The following UBE2W variants were observed in gnomAD, a reference collection of about 807,000 sequenced individuals.
UBE2W encodes the protein ubiquitin conjugating enzyme E2 W.
Under a neutral mutation model 27.2 loss-of-function variants are expected in UBE2W, and 18 were observed. The observed-to-expected ratio is 0.66, with a 90% CI of 0.46 to 0.98. UBE2W has a LOEUF of 0.98. Ranked by LOEUF, UBE2W falls within the 50% of genes least tolerant of loss-of-function variation. UBE2W has a pLI of 0.00. For synonymous variants in UBE2W, 53 were observed against 57.2 expected (o/e 0.93, Z 0.33); for missense variants, 90 against 180.2 (o/e 0.50, Z 2.87).
intron 5 of UBE2W, among the ~76,000 whole-genome samples, chr8:73,802,609 G>C (rs1808692501): frequency 6.6e-6 from 1 of 152,196 alleles, no homozygotes; most frequent in African/African-American, 2.4e-5. Context: ...TTAAAAATAG[G>C]CCAGGCGCAG....
At position 73,805,472 on chromosome 8, in the gene UBE2W, C is replaced by CAAAACAAAAAAA. The variant is rs1554579998; in HGVS notation, c.442+178_442+179insTTTTTTTGTTTT. ...TCCATCTCAAAAAAAAAAAAAAAAA[C>CAAAACAAAAAAA]AAAAAAAACTAGGGTAATTCATCCA... On this transcript the variant is annotated intron_variant, in intron 5 of 5. Transcript: ENST00000602593. 3.7e-4 allele frequency among the ~76,000 whole-genome samples: 16 copies of CAAAACAAAAAAA among 43,692 alleles called. 1 individual carries two copies. The highest frequency in any genetic ancestry group is 7.0e-4 in the Non-Finnish European group (14 of 20,120). 28.7% of individuals were successfully genotyped at this position (43,692 alleles called of 152,430 possible). A position where few individuals can be genotyped will look rare whatever the true frequency, so the allele number is the denominator to read the frequency against.
intron 2 of UBE2W, among the ~76,000 whole-genome samples, chr8:73,827,225 T>C (rs1809878932): frequency 6.6e-6 from 1 of 152,150 alleles, no homozygotes; most frequent in Non-Finnish European, 1.5e-5. Flanking sequence ...ACTTTCTTTT[T>C]TTTTTGGTAC....
rs1029032639 is a variant in UBE2W, at chr8:73,791,940, A to G, written c.*2162T>C. The G allele has an allele frequency of 1.0e-6, 1 of 985,254 alleles. No individual in the cohort carries two copies. Among genetic ancestry groups the G allele is most frequent in the African/African-American group, 1.7e-5 (1 of 57,374 alleles). The allele number at this position is 985,254 out of a possible 1,614,324, so 61.0% of individuals were successfully genotyped here. A position where few individuals can be genotyped will look rare whatever the true frequency, so the allele number is the denominator to read the frequency against. On this transcript the variant is annotated 3_prime_UTR_variant, in exon 6 of 6. Transcript: ENST00000602593. ...TATATATGACCTATTACTCTATAGT[A>G]TAGCATTGTTAATCTTTGACTCAGT... is the stretch of plus-strand genomic sequence containing the variant.
chr8:73,806,724 A>G (rs1374374263), intron 4 of UBE2W, among the ~76,000 whole-genome samples: 1 of 152,128 alleles, frequency 6.6e-6, no homozygotes, highest in Admixed American at 6.5e-5. Context: ...AACAAAACAG[A>G]AAAGTCTACT....
Position 73,787,202 on chromosome 8 carries a change from T to G in UBE2W, c.*6900A>C. On this transcript the variant is annotated 3_prime_UTR_variant, in exon 6 of 6. Coordinates refer to ENST00000602593, the MANE Select transcript of UBE2W (RefSeq NM_018299.6). ...TGAAAGGGGCTCCCAACAGGACAGA[T>G]AACCACAGTGGCTTTGAGCTTTGTT... is the stretch of plus-strand genomic sequence containing the variant. 1.0e-6 allele frequency: 1 copy of G among 985,444 alleles called. No individual in the cohort carries two copies. The highest frequency in any genetic ancestry group is 1.2e-6 in the Non-Finnish European group (1 of 829,926). The allele number at this position is 985,444 out of a possible 1,614,324, so 61.0% of individuals were successfully genotyped here. A position where few individuals can be genotyped will look rare whatever the true frequency, so the allele number is the denominator to read the frequency against.
intron 3 of UBE2W, among the ~76,000 whole-genome samples, chr8:73,815,391 C>T (rs1194214464): frequency 6.6e-6 from 1 of 151,916 alleles, no homozygotes; most frequent in Admixed American, 6.6e-5. Context: ...AAACAAAAAA[C>T]AAAAAACCTC....
In UBE2W at chr8:73,788,506, A is replaced by G; in HGVS notation, c.*5596T>C. ...CATTTTACCTTGAACCTGACCACCA[A>G]TTTGCCTTTACATAAACAATCTGTG... On this transcript the variant is annotated 3_prime_UTR_variant, in exon 6 of 6. Transcript: ENST00000602593. The G allele has an allele frequency of 1.0e-6, 1 of 985,404 alleles. No individual in the cohort carries two copies. Among genetic ancestry groups the G allele is most frequent in the Non-Finnish European group, 1.2e-6 (1 of 829,922 alleles). The allele number at this position is 985,404 out of a possible 1,614,324, so 61.0% of individuals were successfully genotyped here. A position where few individuals can be genotyped will look rare whatever the true frequency, so the allele number is the denominator to read the frequency against.
At chr8:73,840,210 C>T (rs1810482670) in intron 1 of UBE2W, among the ~76,000 whole-genome samples, 1 of 152,264 alleles carries the variant, frequency 6.6e-6, no homozygotes, top group Middle Eastern at 3.4e-3. Flanking sequence ...GTGCCTGCCA[C>T]TACACCTGGC....
At chr8:73,843,516 G>C (rs1810634387) in intron 1 of UBE2W, among the ~76,000 whole-genome samples, 1 of 152,134 alleles carries the variant, frequency 6.6e-6, no homozygotes, top group Non-Finnish European at 1.5e-5. Context: ...TGCACCTGTA[G>C]TCCTAGCTAC....
intron 3 of UBE2W, among the ~76,000 whole-genome samples, chr8:73,818,471 C>T (rs1432664176): frequency 6.6e-6 from 1 of 152,204 alleles, no homozygotes; most frequent in African/African-American, 2.4e-5. Context: ...CGTTCCTCTG[C>T]TCAAAACCTT....
chr8:73,822,602 CAAAAAAAAAAAAAAAAAAAA>C (rs67427702), intron 3 of UBE2W, among the ~76,000 whole-genome samples: 3 of 51,224 alleles, frequency 5.9e-5, no homozygotes, highest in African/African-American at 1.8e-4. Flanking sequence ...CTTGCAACTG[CAAAAAAAAAAAAAAAAAAAA>C]AAAAAAAAAA....
Position 73,792,458 on chromosome 8 carries a change from A to T in UBE2W, c.*1644T>A. On this transcript the variant is annotated 3_prime_UTR_variant, in exon 6 of 6. Coordinates refer to ENST00000602593, the MANE Select transcript of UBE2W (RefSeq NM_018299.6). ...AAATTATATGCCCTTAATTAACAAC[A>T]TGTACAAAGCTACAAAATGTCATCT... is the stretch of plus-strand genomic sequence containing the variant. 1 of 985,708 alleles carries T rather than the reference A, an allele frequency of 1.0e-6. No homozygotes were observed. Among genetic ancestry groups the T allele is most frequent in the Non-Finnish European group, 1.2e-6 (1 of 829,780 alleles). 61.1% of individuals were successfully genotyped at this position (985,708 alleles called of 1,614,324 possible).
At chr8:73,784,168 T>A (rs184476212), downstream of UBE2W, among the ~76,000 whole-genome samples, 7 of 152,312 alleles carry the variant, frequency 4.6e-5, no homozygotes, top group African/African-American at 1.7e-4. Flanking sequence ...CACCTTTACC[T>A]GGCAAATACT....
rs1344118461 is a variant in UBE2W, at chr8:73,790,196, G to A, written c.*3906C>T. 3 of 984,820 alleles carry A rather than the reference G, an allele frequency of 3.0e-6. No homozygotes were observed. The highest frequency in any genetic ancestry group is 3.6e-6 in the Non-Finnish European group (3 of 829,670). 61.0% of individuals were successfully genotyped at this position (984,820 alleles called of 1,614,324 possible). Reference sequence around the variant, plus strand: ...TCCCTAACCTCAGAAAAAAAAAAGAGAGAATAAATTAGAAGTGAGAAAAGG... The same window carrying A: ...TCCCTAACCTCAGAAAAAAAAAAGAAAGAATAAATTAGAAGTGAGAAAAGG... On this transcript the variant is annotated 3_prime_UTR_variant, in exon 6 of 6. Coordinates refer to ENST00000602593, the MANE Select transcript of UBE2W (RefSeq NM_018299.6).
intron 1 of UBE2W, among the ~76,000 whole-genome samples, chr8:73,877,717 G>A (rs559643471): frequency 3.3e-4 from 51 of 152,272 alleles, no homozygotes; most frequent in Non-Finnish European, 6.0e-4. Flanking sequence ...CACTCCTATT[G>A]AGCGTTCTAC....
At chr8:73,781,726 C>G (rs1385215812), downstream of UBE2W, among the ~76,000 whole-genome samples, 1 of 151,266 alleles carries the variant, frequency 6.6e-6, no homozygotes, top group Non-Finnish European at 1.5e-5. Context: ...ACCACATGTG[C>G]AGACCACCAT....
At chr8:73,867,581 C>T (rs1208302778) in intron 1 of UBE2W, among the ~76,000 whole-genome samples, 2 of 151,634 alleles carry the variant, frequency 1.3e-5, no homozygotes, top group Non-Finnish European at 2.9e-5. Flanking sequence ...CGTGGTAGCA[C>T]GTGCCTGTAT....
chr8:73,785,775 G>C (rs1451024159), downstream of UBE2W, among the ~76,000 whole-genome samples: 1 of 152,016 alleles, frequency 6.6e-6, no homozygotes, highest in African/African-American at 2.4e-5. Context: ...TAGTAGATAC[G>C]GGGTTTCACC....
chr8:73,863,163 G>A (rs1193338804), intron 1 of UBE2W, among the ~76,000 whole-genome samples: 1 of 143,696 alleles, frequency 7.0e-6, no homozygotes. Flanking sequence ...CAATAGCAAA[G>A]ACGTGGAACC....
Sources: allele counts gnomAD v4.1 joint callset (sites outside exome capture counted in the v4.1 genomes callset), GRCh38; gene constraint gnomAD v4.1.1; transcripts MANE v1.5; gene names NCBI Gene and HGNC (gene_info 2026-07-23, HGNC 2026-07-21).